The following PHC2 variants were observed in gnomAD, a reference collection of about 807,000 sequenced individuals.
PHC2 encodes polyhomeotic homolog 2.
In PHC2, 29 loss-of-function variants were observed where a neutral mutation model predicts 87.4. The observed-to-expected ratio is 0.33, with a 90% CI of 0.25 to 0.45. The LOEUF is 0.45. PHC2 is among the 20% of genes least tolerant of loss of function. PHC2 has a pLI of 1.00. For missense variants in PHC2, 857 were observed against 1,136.7 expected (o/e 0.75, Z 3.54); for synonymous variants, 438 against 461.7 (o/e 0.95, Z 0.66).
rs1473309277 is a variant in PHC2, at chr1:33,382,995, A to G, written c.-54-7402T>C. On this transcript the variant is annotated intron_variant, in intron 1 of 14. Transcript: ENST00000683057. The surrounding 1 kb of genome is among the most constrained non-coding windows in gnomAD (Gnocchi z 4.3). The stretch of plus-strand genomic sequence containing the variant: ...GGAAATGAGAAGTCTCGTCAGCCCC[A>G]TCGTGGCTGCTGGTATTATCATGAG... Among the ~76,000 whole-genome samples the G allele has an allele frequency of 4.6e-5, 7 of 152,224 alleles. No homozygotes were observed. The highest frequency in any genetic ancestry group is 7.3e-5 in the Non-Finnish European group (5 of 68,040).
At chr1:33,360,180 CTT>C (rs1406268068) in intron 7 of PHC2, among the ~76,000 whole-genome samples, 5 of 152,228 alleles carry the variant, frequency 3.3e-5, no homozygotes, top group Admixed American at 6.5e-5. Context: ...CTGTAAGAAA[CTT>C]GCAAAACGGT....
chr1:33,405,184 CTTT>C (rs533085133), intron 1 of PHC2, among the ~76,000 whole-genome samples: 1 of 142,022 alleles, frequency 7.0e-6, no homozygotes, highest in Non-Finnish European at 1.5e-5. Context: ...GATTTGTAGT[CTTT>C]TTTTTTTTTT....
chr1:33,345,767 T>G (rs1404406313), intron 9 of PHC2: 2 of 985,182 alleles, frequency 2.0e-6, no homozygotes, highest in Non-Finnish European at 2.4e-6. Context: ...AAATGGTTGA[T>G]TATTTTCCTA....
chr1:33,388,345 C>CA (rs1233642114), intron 1 of PHC2, among the ~76,000 whole-genome samples: 1 of 124,418 alleles, frequency 8.0e-6, no homozygotes, highest in East Asian at 2.4e-4. Flanking sequence ...TTTTTTTAGA[C>CA]AGAGTTTTGC....
rs1647302977 is a variant in PHC2, at chr1:33,364,275, TG to T, written c.976+2840del. 6.6e-6 allele frequency among the ~76,000 whole-genome samples: 1 copy of T among 151,962 alleles called. No homozygotes were observed. The highest frequency in any genetic ancestry group is 1.5e-5 in the Non-Finnish European group (1 of 67,964). On this transcript the variant is annotated intron_variant, in intron 7 of 14. Transcript: ENST00000683057. The surrounding 1 kb of genome is among the most constrained non-coding windows in gnomAD (Gnocchi z 4.1). The stretch of plus-strand genomic sequence containing the variant: ...GCAAGTCTCCACTGGTTACTTTCCC[TG>T]GGGGCAGCCAGCCAGCCAGCTCAAA...
chr1:33,430,071 A>T (rs1650838207), intron 1 of PHC2, among the ~76,000 whole-genome samples: 1 of 152,130 alleles, frequency 6.6e-6, no homozygotes. Context: ...CACCAGTCTT[A>T]GTGAATTGGG....
chr1:33,346,464 G>A (rs771030653), intron 9 of PHC2: 35 of 984,856 alleles, frequency 3.6e-5, no homozygotes, highest in Non-Finnish European at 4.1e-5. Context: ...TCTCCAGTAG[G>A]TGTCCTTTCA....
intron 1 of PHC2, among the ~76,000 whole-genome samples, chr1:33,401,250 C>A (rs1411350729): frequency 6.6e-6 from 1 of 152,000 alleles, no homozygotes; most frequent in African/African-American, 2.4e-5. Context: ...GGCGTGAACC[C>A]AGGAGGTGGA....
rs1330654767 is a variant in PHC2 at position 33,355,134 on chromosome 1, A to G, written c.1096T>C (p.Ser366Pro). ...PQQQQPPPQQ[S>P]RPVLQAEPHP... ...GGCTCAGCTTGGAGCACAGGCCGTG[A>G]CTGCTGGGGCGGCGGCTGCTGCTGT... is the stretch of plus-strand genomic sequence containing the variant. The change falls in exon 8 of 15, where the codon TCA becomes CCA. Residue 366 changes from serine (S) to proline (P), a missense_variant. Physicochemically the swap from Ser to Pro is moderately conservative, Grantham distance 74 (BLOSUM62 -1). Around this residue, in one of 3 missense-constraint regions of PHC2, gnomAD observed 832 missense variants for 1,081.8 expected, o/e 0.77. Transcript: ENST00000683057. 1 of 1,611,592 alleles carries G rather than the reference A, an allele frequency of 6.2e-7. No homozygotes were observed. The highest frequency in any genetic ancestry group is 1.7e-5 in the Admixed American group (1 of 59,768).
intron 7 of PHC2, among the ~76,000 whole-genome samples, chr1:33,365,645 G>T (rs1449327871): frequency 6.6e-6 from 1 of 152,226 alleles, no homozygotes; most frequent in Non-Finnish European, 1.5e-5. Flanking sequence ...TCTGGAGAAA[G>T]CCATGCCAGA....
chr1:33,327,128 TA>T (rs1166219393), intron 14 of PHC2, among the ~76,000 whole-genome samples: 4 of 152,182 alleles, frequency 2.6e-5, no homozygotes, highest in African/African-American at 9.7e-5. Context: ...AATGCCACCA[TA>T]AACCCTAGCG....
At chr1:33,381,216 A>G (rs917135669) in intron 1 of PHC2, among the ~76,000 whole-genome samples, 10 of 152,184 alleles carry the variant, frequency 6.6e-5, no homozygotes, top group Admixed American at 5.9e-4. Context: ...CACTTACAAC[A>G]TAGCCTTACA....
At chr1:33,397,233 G>A (rs561240101) in intron 1 of PHC2, among the ~76,000 whole-genome samples, 78 of 152,258 alleles carry the variant, frequency 5.1e-4, no homozygotes, top group African/African-American at 1.7e-3. Flanking sequence ...TGAATGCCAG[G>A]GTTCTCCAGA....
chr1:33,406,270 C>T (rs1649758786), intron 1 of PHC2, among the ~76,000 whole-genome samples: 1 of 152,076 alleles, frequency 6.6e-6, no homozygotes, highest in Non-Finnish European at 1.5e-5. Context: ...TATTTTCTGA[C>T]TCATTATAAT....
At chr1:33,365,722 C>T (rs1449553994) in intron 7 of PHC2, among the ~76,000 whole-genome samples, 5 of 152,226 alleles carry the variant, frequency 3.3e-5, no homozygotes, top group African/African-American at 4.8e-5. Flanking sequence ...CTTGGCTCAG[C>T]GGTGACCACT....
chr1:33,398,318 G>C (rs1035438405), intron 1 of PHC2, among the ~76,000 whole-genome samples: 3 of 152,214 alleles, frequency 2.0e-5, no homozygotes, highest in African/African-American at 4.8e-5. Context: ...CCAGAGGAAG[G>C]AGAGAACTTT....
chr1:33,351,874 C>G (rs1481174567), intron 9 of PHC2, among the ~76,000 whole-genome samples: 1 of 150,736 alleles, frequency 6.6e-6, no homozygotes, highest in East Asian at 1.9e-4. Context: ...GTCACTTGAA[C>G]CCGGGAGGTG....
chr1:33,365,742 C>T (rs1357981993), intron 7 of PHC2, among the ~76,000 whole-genome samples: 1 of 152,222 alleles, frequency 6.6e-6, no homozygotes, highest in Non-Finnish European at 1.5e-5. Context: ...TGGAATGCAG[C>T]GACTGACCCT....
intron 14 of PHC2, among the ~76,000 whole-genome samples, chr1:33,328,659 G>A (rs1390041365): frequency 6.6e-6 from 1 of 152,108 alleles, no homozygotes; most frequent in Non-Finnish European, 1.5e-5. Context: ...AAAATATACA[G>A]AATTACAGCT....
Sources: gnomAD v4.1 joint callset for allele counts (sites outside exome capture counted in the v4.1 genomes callset) on GRCh38, gnomAD v4.1.1 for gene constraint, gnomAD v4.1.1 regional missense constraint, Gnocchi (gnomAD v3.1) non-coding constraint, MANE v1.5 for transcripts, NCBI Gene and HGNC (gene_info 2026-07-23, HGNC 2026-07-21) for gene names.